Variants in LRRC4C observed in about 807,000 individuals in gnomAD.
LRRC4C encodes the protein leucine-rich repeat-containing protein 4C.
LRRC4C carries 5 observed loss-of-function variants against 33.6 expected under a neutral mutation model. That is an observed-to-expected ratio of 0.15 (90% confidence interval 0.08 to 0.31). LRRC4C has a LOEUF of 0.31. Among genes scored for constraint, LRRC4C ranks in the 10% least tolerant of loss-of-function variants. LRRC4C has a pLI of 1.00. For missense variants in LRRC4C, 560 were observed against 796.7 expected (o/e 0.70, Z 3.58); for synonymous variants, 329 against 302.0 (o/e 1.09, Z -0.93).
rs187006495 is a variant in LRRC4C, at chr11:40,634,871, C to T, written c.-270+13271G>A. ...CGCCATTGTTCTCCTGACTGGGCAA[C>T]AGAGCAAGACACTGTCTGTGAAAAA... On this transcript the variant is annotated intron_variant, in intron 3 of 6. Coordinates refer to ENST00000528697, the MANE Select transcript of LRRC4C (RefSeq NM_001258419.2). Among the ~76,000 whole-genome samples the T allele has an allele frequency of 5.7e-4, 86 of 151,578 alleles. 1 individual carries two copies. Among genetic ancestry groups the T allele is most frequent in the African/African-American group, 2.0e-3 (82 of 41,246 alleles).
intron 3 of LRRC4C, among the ~76,000 whole-genome samples, chr11:40,443,912 T>A (rs762127856): frequency 6.6e-6 from 1 of 152,146 alleles, no homozygotes; most frequent in South Asian, 2.1e-4. Flanking sequence ...TTAAAGAACA[T>A]GATATTCAAA....
At chr11:40,961,146 TAA>T (rs1200385142) in intron 1 of LRRC4C, among the ~76,000 whole-genome samples, 1 of 151,758 alleles carries the variant, frequency 6.6e-6, no homozygotes, top group East Asian at 1.9e-4. Flanking sequence ...TTCAGCTGTA[TAA>T]GTTATTACAA....
At chr11:41,097,439 G>A (rs1336364244) in intron 1 of LRRC4C, among the ~76,000 whole-genome samples, 2 of 152,092 alleles carry the variant, frequency 1.3e-5, no homozygotes, top group Non-Finnish European at 2.9e-5. Flanking sequence ...ACTAACATTA[G>A]ACATTTGAAC....
At chr11:40,768,577 CAAAAATCCTCAAT>C (rs1317569321) in intron 2 of LRRC4C, among the ~76,000 whole-genome samples, 1 of 152,022 alleles carries the variant, frequency 6.6e-6, no homozygotes, top group African/African-American at 2.4e-5. Flanking sequence ...AACACTGATG[CAAAAATCCTCAAT>C]AAAACACTGA....
chr11:40,407,126 A>T (rs1472172496), intron 3 of LRRC4C, among the ~76,000 whole-genome samples: 1 of 152,104 alleles, frequency 6.6e-6, no homozygotes, highest in Admixed American at 6.6e-5. Flanking sequence ...GAATCTTATG[A>T]TCTAGATTCA....
At chr11:41,085,928 C>CAAAAAAAAAAAAAAAAAAAAA (rs10717008) in intron 1 of LRRC4C, among the ~76,000 whole-genome samples, 1 of 80,176 alleles carries the variant, frequency 1.2e-5, no homozygotes, top group Admixed American at 1.6e-4. Context: ...TTTAAGACAC[C>CAAAAAAAAAAAAAAAAAAAAA]AAAAAAAAAA....
Position 40,596,247 on chromosome 11 carries a change from G to C in LRRC4C, c.-270+51895C>G, listed in dbSNP as rs1426748491. ...CAGCTTACCTACTATTCCAGCAAGA[G>C]AGAAATTCAAAATTAGCTTGTTTAT... On this transcript the variant is annotated intron_variant, in intron 3 of 6. Transcript: ENST00000528697. 3.9e-5 allele frequency among the ~76,000 whole-genome samples: 6 copies of C among 152,264 alleles called. No homozygotes were observed. In the South Asian group the frequency reaches 6.2e-4, roughly 16 times the overall value.
intron 2 of LRRC4C, among the ~76,000 whole-genome samples, chr11:40,931,697 T>C (rs1028123586): frequency 6.6e-6 from 1 of 152,042 alleles, no homozygotes; most frequent in South Asian, 2.1e-4. Flanking sequence ...TATGCGTAGA[T>C]ACTTATAATT....
At chr11:41,435,256 T>A (rs751985772) in intron 1 of LRRC4C, among the ~76,000 whole-genome samples, 1 of 152,226 alleles carries the variant, frequency 6.6e-6, no homozygotes, top group Non-Finnish European at 1.5e-5. Context: ...AGAGCATTCA[T>A]GTTAGAACAA....
chr11:40,588,256 A>T (rs1958857466), intron 3 of LRRC4C, among the ~76,000 whole-genome samples: 1 of 150,628 alleles, frequency 6.6e-6, no homozygotes, highest in East Asian at 1.9e-4. Context: ...TTTCTAGTTT[A>T]TTTGCGTAGA....
chr11:40,413,261 A>G lies in LRRC4C; in HGVS notation c.-269-93540T>C, dbSNP rs984311003. Among the ~76,000 whole-genome samples, 12 of 152,162 alleles carry G rather than the reference A, an allele frequency of 7.9e-5. 1 individual carries two copies. The highest frequency in any genetic ancestry group is 2.9e-4 in the African/African-American group (12 of 41,552). ...AAGAAGAGGAAGCTCCATCAAGATGACAATCTTTGGACTGCATCAGACAAG... is the reference window on the plus strand; with the variant it reads ...AAGAAGAGGAAGCTCCATCAAGATGGCAATCTTTGGACTGCATCAGACAAG... On this transcript the variant is annotated intron_variant, in intron 3 of 6. Transcript: ENST00000528697.
At chr11:41,457,937 T>C (rs1247566672) in intron 1 of LRRC4C, among the ~76,000 whole-genome samples, 2 of 152,108 alleles carry the variant, frequency 1.3e-5, no homozygotes, top group Non-Finnish European at 2.9e-5. Flanking sequence ...GTATAATCTC[T>C]TCTTTAAGTT....
intron 5 of LRRC4C, among the ~76,000 whole-genome samples, chr11:40,199,290 C>T (rs59337232): frequency 0.011 from 1,718 of 152,150 alleles, 36 homozygotes; most frequent in South Asian, 0.074. Flanking sequence ...AGGCTGGCCT[C>T]GAACTCCTGA....
At chr11:40,458,283 A>G (rs1010013446) in intron 3 of LRRC4C, among the ~76,000 whole-genome samples, 3 of 152,122 alleles carry the variant, frequency 2.0e-5, no homozygotes, top group African/African-American at 7.2e-5. Context: ...ACTATCATAT[A>G]TACGTATAAT....
At chr11:41,092,371 G>A (rs1940487519) in intron 1 of LRRC4C, among the ~76,000 whole-genome samples, 1 of 152,116 alleles carries the variant, frequency 6.6e-6, no homozygotes, top group Admixed American at 6.6e-5. Context: ...TGCCTCATTA[G>A]TGCTCTATGC....
intron 1 of LRRC4C, among the ~76,000 whole-genome samples, chr11:41,332,666 A>C (rs1222277155): frequency 1.3e-5 from 2 of 152,220 alleles, no homozygotes; most frequent in African/African-American, 4.8e-5. Flanking sequence ...GTTTTATCCC[A>C]TGAAGATGTT....
At chr11:40,396,845 T>C (rs1247679448) in intron 3 of LRRC4C, among the ~76,000 whole-genome samples, 1 of 152,084 alleles carries the variant, frequency 6.6e-6, no homozygotes, top group Admixed American at 6.6e-5. Context: ...TTGTTGAAGA[T>C]GTAAAAACAA....
At chr11:40,400,823 T>A (rs947756869) in intron 3 of LRRC4C, among the ~76,000 whole-genome samples, 1 of 152,138 alleles carries the variant, frequency 6.6e-6, no homozygotes, top group Admixed American at 6.6e-5. Context: ...AAATCTATAG[T>A]GATTTCAAAA....
At chr11:41,221,914 G>A (rs2136391352) in intron 1 of LRRC4C, among the ~76,000 whole-genome samples, 1 of 152,162 alleles carries the variant, frequency 6.6e-6, no homozygotes, top group South Asian at 2.1e-4. Context: ...CTTCTTCTAG[G>A]GCACGCTACA....
Sources: gnomAD v4.1 joint callset for allele counts (sites outside exome capture counted in the v4.1 genomes callset) on GRCh38, gnomAD v4.1.1 for gene constraint, MANE v1.5 for transcripts, NCBI Gene and HGNC (gene_info 2026-07-23, HGNC 2026-07-21) for gene names.